Variants in UIMC1 observed in about 807,000 individuals in gnomAD.
UIMC1 encodes the protein ubiquitin interaction motif containing 1.
Under a neutral mutation model 84.9 loss-of-function variants are expected in UIMC1, and 42 were observed. The observed-to-expected ratio is 0.49, with a 90% CI of 0.39 to 0.64. The LOEUF (loss-of-function observed/expected upper bound fraction) is 0.64. UIMC1 is among the 30% of genes least tolerant of loss of function. The pLI is 0.00. For synonymous variants in UIMC1, 281 were observed against 293.0 expected, an observed-to-expected ratio of 0.96 and a Z score of 0.42; for missense variants, 825 against 847.6, an observed-to-expected ratio of 0.97 and a Z score of 0.33.
intron 1 of UIMC1, among the ~76,000 whole-genome samples, chr5:177,019,644 A>T (rs1775745187): frequency 6.6e-6 from 1 of 150,574 alleles, no homozygotes; most frequent in Admixed American, 6.6e-5. Flanking sequence ...AAAAAAAAAA[A>T]TTGTAGGCTG....
chr5:176,905,774 G>T, intron 14 of UIMC1: 1 of 625,956 alleles, frequency 1.6e-6, no homozygotes, highest in Non-Finnish European at 2.8e-6. Context: ...GGATAGAGAG[G>T]TACAGAAGAA....
At chr5:176,979,599 T>C (rs902235634) in intron 2 of UIMC1, among the ~76,000 whole-genome samples, 4 of 145,488 alleles carry the variant, frequency 2.7e-5, no homozygotes, top group Non-Finnish European at 6.0e-5. Flanking sequence ...CGAGACTTCA[T>C]CTCAAAAAAA....
At chr5:176,933,797 A>G (rs1472695259) in intron 10 of UIMC1, among the ~76,000 whole-genome samples, 1 of 152,038 alleles carries the variant, frequency 6.6e-6, no homozygotes, top group Non-Finnish European at 1.5e-5. Flanking sequence ...CAGCGTCCCA[A>G]TGTGCTTGGA....
chr5:176,938,814 G>T (rs926760077), intron 10 of UIMC1, among the ~76,000 whole-genome samples: 1 of 151,964 alleles, frequency 6.6e-6, no homozygotes, highest in African/African-American at 2.4e-5. Flanking sequence ...CATTTACTTG[G>T]GTACACAATT....
In UIMC1 at chr5:176,916,944, G is replaced by C. The variant is rs116758025; in HGVS notation, c.1598-5555C>G. Among the ~76,000 whole-genome samples the C allele has an allele frequency of 9.1e-3, 1,388 of 152,198 alleles. 8 individuals are homozygous for C. Among genetic ancestry groups the C allele is most frequent in the South Asian group, 0.025 (121 of 4,824 alleles). ...AACAATCAACAATAAAAAACATATG[G>C]CCTAGTACTATAAATTGTAAAGACA... On this transcript the variant is annotated intron_variant, in intron 10 of 14. Transcript: ENST00000511320.
chr5:176,932,005 CA>C (rs1261729850), intron 10 of UIMC1, among the ~76,000 whole-genome samples: 1 of 152,102 alleles, frequency 6.6e-6, no homozygotes, highest in Non-Finnish European at 1.5e-5. Context: ...AAAAAGAAGA[CA>C]ACTGAGACCA....
In UIMC1 at chr5:177,014,405, C is replaced by A. The variant is rs1775629960; in HGVS notation, c.-9+8059G>T. Among the ~76,000 whole-genome samples the A allele has an allele frequency of 2.0e-5, 3 of 152,096 alleles. No homozygotes were observed. In the South Asian group the frequency reaches 6.2e-4, roughly 32 times the overall value. ...TGGAAACACTTCTGAAATCCAAGTTCCCAGATGCCAGCCAAAAGCCAAACT... is the reference window on the plus strand; with the variant it reads ...TGGAAACACTTCTGAAATCCAAGTTACCAGATGCCAGCCAAAAGCCAAACT... On this transcript the variant is annotated intron_variant, in intron 1 of 5. Transcript: ENST00000509236.
At chr5:176,960,095 T>C (rs1343702625) in intron 6 of UIMC1, among the ~76,000 whole-genome samples, 1 of 152,236 alleles carries the variant, frequency 6.6e-6, no homozygotes, top group Non-Finnish European at 1.5e-5. Flanking sequence ...TTTACATTCC[T>C]TATCTCCTTT....
At chr5:176,924,904 A>C (rs2149412436) in intron 10 of UIMC1, among the ~76,000 whole-genome samples, 1 of 151,742 alleles carries the variant, frequency 6.6e-6, no homozygotes, top group Admixed American at 6.6e-5. Flanking sequence ...CCGGGCACAC[A>C]TCTGTAGTCT....
intron 1 of UIMC1, among the ~76,000 whole-genome samples, chr5:176,990,411 C>CA (rs948472600): frequency 2.6e-5 from 4 of 151,490 alleles, no homozygotes; most frequent in Admixed American, 6.6e-5. Context: ...GAACTGTGAA[C>CA]AAAAAAAATT....
At chr5:176,992,328 G>A (rs1279243226) in intron 1 of UIMC1, among the ~76,000 whole-genome samples, 1 of 151,920 alleles carries the variant, frequency 6.6e-6, no homozygotes, top group African/African-American at 2.4e-5. Flanking sequence ...AAAGAGTGTA[G>A]AACTATCAAG....
At chr5:176,937,912 C>T (rs1763904060) in intron 10 of UIMC1, among the ~76,000 whole-genome samples, 1 of 152,088 alleles carries the variant, frequency 6.6e-6, no homozygotes, top group African/African-American at 2.4e-5. Context: ...AGTAACTTGC[C>T]AGGCATGGTG....
chr5:176,991,448 A>C (rs1186074861), intron 1 of UIMC1, among the ~76,000 whole-genome samples: 2 of 152,014 alleles, frequency 1.3e-5, no homozygotes, highest in African/African-American at 4.8e-5. Context: ...TGGCAAATTG[A>C]GAAGACAGAT....
At chr5:177,007,492 A>C (rs957565186), upstream of UIMC1, among the ~76,000 whole-genome samples, 9 of 152,330 alleles carry the variant, frequency 5.9e-5, no homozygotes, top group Admixed American at 2.6e-4. Flanking sequence ...TAAAACACCA[A>C]ATGTCCCTAC....
chr5:176,939,646 G>C (rs1764179560), intron 10 of UIMC1, among the ~76,000 whole-genome samples: 1 of 152,044 alleles, frequency 6.6e-6, no homozygotes, highest in Admixed American at 6.6e-5. Context: ...CACCATCAAG[G>C]TTTGTGTAAG....
In UIMC1 at chr5:177,022,529, T is replaced by C. The variant is rs1775916070; in HGVS notation, c.-74A>G. ...CTCTCCGGGAGGGGGGGGTCACTGCTGCGGAATCAGCGACAGGTTTCCGAA... is the reference window on the plus strand; with the variant it reads ...CTCTCCGGGAGGGGGGGGTCACTGCCGCGGAATCAGCGACAGGTTTCCGAA... On this transcript the variant is annotated 5_prime_UTR_variant, in exon 1 of 6. Transcript: ENST00000509236. 3 of 536,950 alleles carry C rather than the reference T, an allele frequency of 5.6e-6. No homozygotes were observed. The South Asian group carries it at 7.9e-5, about 14-fold the overall frequency. The allele number at this position is 536,950 out of a possible 1,614,324, so 33.3% of individuals were successfully genotyped here.
At chr5:177,015,335 A>G (rs767701784) in intron 1 of UIMC1, among the ~76,000 whole-genome samples, 1 of 152,206 alleles carries the variant, frequency 6.6e-6, no homozygotes, top group South Asian at 2.1e-4. Context: ...AGTACCACAC[A>G]GCGTTAACTG....
chr5:176,917,485 C>T (rs965358249), intron 10 of UIMC1, among the ~76,000 whole-genome samples: 2 of 152,074 alleles, frequency 1.3e-5, no homozygotes, highest in Non-Finnish European at 2.9e-5. Flanking sequence ...GGCAGGAGAA[C>T]TGCTTGAACC....
intron 8 of UIMC1, among the ~76,000 whole-genome samples, chr5:176,954,802 A>C (rs1317290174): frequency 6.6e-6 from 1 of 151,920 alleles, no homozygotes; most frequent in Non-Finnish European, 1.5e-5. Flanking sequence ...AAATAAATAA[A>C]GACCTTTATG....
Sources: gnomAD v4.1 joint callset for allele counts (sites outside exome capture counted in the v4.1 genomes callset) on GRCh38, gnomAD v4.1.1 for gene constraint, MANE v1.5 for transcripts, NCBI Gene and HGNC (gene_info 2026-07-23, HGNC 2026-07-21) for gene names.